The following MAP2 variants were observed in gnomAD, a reference collection of about 807,000 sequenced individuals.
MAP2 encodes microtubule associated protein 2, also known as microtubule-associated protein 2.
Under a neutral mutation model 137.6 loss-of-function variants are expected in MAP2, and 14 were observed. The ratio of observed to expected loss-of-function variants is 0.10; its 90% CI spans 0.07 to 0.16. MAP2 has a LOEUF of 0.16. Ranked by LOEUF, MAP2 falls within the 10% of genes least tolerant of loss-of-function variation. The pLI is 1.00. For synonymous variants in MAP2, 786 were observed against 782.3 expected (o/e 1.00, Z -0.08); for missense variants, 2,088 against 2,191.5 (o/e 0.95, Z 0.94).
intron 5 of MAP2, among the ~76,000 whole-genome samples, chr2:209,659,137 A>G (rs1215446150): frequency 6.6e-6 from 1 of 152,188 alleles, no homozygotes; most frequent in Non-Finnish European, 1.5e-5. Flanking sequence ...CTCTCTTCTC[A>G]ACTGTCCTAA....
intron 5 of MAP2, among the ~76,000 whole-genome samples, chr2:209,668,670 C>T (rs548708105): frequency 1.3e-5 from 2 of 151,880 alleles, no homozygotes; most frequent in African/African-American, 4.8e-5. Flanking sequence ...AGAAGATTTG[C>T]AAAGTCTGTT....
intron 5 of MAP2, among the ~76,000 whole-genome samples, chr2:209,676,745 A>G (rs1583153266): frequency 1.6e-5 from 1 of 61,440 alleles, no homozygotes; most frequent in Admixed American, 1.9e-4. Flanking sequence ...ATATATATAT[A>G]TATATATATA....
intron 4 of MAP2, among the ~76,000 whole-genome samples, chr2:209,645,200 A>G (rs774304235): frequency 1.3e-5 from 2 of 152,234 alleles, no homozygotes; most frequent in Non-Finnish European, 1.5e-5. Context: ...CATGTGCAAT[A>G]TTCAGGCAAT....
intron 3 of MAP2, among the ~76,000 whole-genome samples, chr2:209,595,217 A>G (rs2080922115): frequency 2.0e-5 from 3 of 152,222 alleles, no homozygotes; most frequent in African/African-American, 7.2e-5. Context: ...TTTGGCGTAG[A>G]ATATATGACT....
At chr2:209,517,799 C>T (rs1006671169) in intron 2 of MAP2, among the ~76,000 whole-genome samples, 2 of 151,222 alleles carry the variant, frequency 1.3e-5, no homozygotes, top group African/African-American at 4.9e-5. Context: ...AAGAAGTATG[C>T]TCAAAAAATA....
chr2:209,578,736 T>C (rs74810593), intron 2 of MAP2, among the ~76,000 whole-genome samples: 1,658 of 152,218 alleles, frequency 0.011, 31 homozygotes, highest in African/African-American at 0.037. Context: ...CACTGTAAAA[T>C]AGGGATATTC....
At chr2:209,713,736 C>A (rs1025428673) in intron 13 of MAP2, among the ~76,000 whole-genome samples, 1 of 152,158 alleles carries the variant, frequency 6.6e-6, no homozygotes, top group African/African-American at 2.4e-5. Context: ...AAACACGTAG[C>A]ATAAAAAAAT....
intron 3 of MAP2, among the ~76,000 whole-genome samples, chr2:209,618,938 T>G (rs551584084): frequency 6.6e-6 from 1 of 152,256 alleles, no homozygotes; most frequent in South Asian, 2.1e-4. Flanking sequence ...TAATGAAATA[T>G]CATTCAGCCA....
intron 13 of MAP2, chr2:209,722,148 G>GA (rs1264413450): frequency 6.6e-6 from 1 of 152,204 alleles, no homozygotes; most frequent in East Asian, 1.9e-4. Context: ...GTTAGATACA[G>GA]ACTCTGTGAA....
chr2:209,554,417 G>A (rs1207523832), intron 2 of MAP2, among the ~76,000 whole-genome samples: 2 of 152,176 alleles, frequency 1.3e-5, no homozygotes, highest in Non-Finnish European at 2.9e-5. Flanking sequence ...TGTAAGCATG[G>A]TACCATTGTG....
intron 2 of MAP2, among the ~76,000 whole-genome samples, chr2:209,574,116 A>T (rs1214337431): frequency 1.3e-5 from 2 of 152,088 alleles, no homozygotes; most frequent in African/African-American, 4.8e-5. Context: ...ATTACCTATG[A>T]TTCTCATGGT....
At chr2:209,559,047 A>C (rs1355453982) in intron 2 of MAP2, among the ~76,000 whole-genome samples, 1 of 152,152 alleles carries the variant, frequency 6.6e-6, no homozygotes, top group African/African-American at 2.4e-5. Flanking sequence ...CAGTTTCAGC[A>C]TACATCAGTG....
At chr2:209,599,942 G>T (rs1056982015) in intron 3 of MAP2, among the ~76,000 whole-genome samples, 2 of 152,090 alleles carry the variant, frequency 1.3e-5, no homozygotes, top group Non-Finnish European at 2.9e-5. Flanking sequence ...TATATAATTA[G>T]TAGTAATTAC....
chr2:209,472,131 A>G (rs936281183), intron 1 of MAP2, among the ~76,000 whole-genome samples: 1 of 152,170 alleles, frequency 6.6e-6, no homozygotes, highest in Non-Finnish European at 1.5e-5. Flanking sequence ...ACGTGATGCT[A>G]TGGGATACAT....
At chr2:209,538,750 C>T (rs2066405670) in intron 2 of MAP2, among the ~76,000 whole-genome samples, 1 of 152,032 alleles carries the variant, frequency 6.6e-6, no homozygotes, top group African/African-American at 2.4e-5. Flanking sequence ...AAAAAACAAG[C>T]ATTTCTTTCC....
intron 4 of MAP2, among the ~76,000 whole-genome samples, chr2:209,626,720 T>C (rs1013523634): frequency 2.4e-4 from 36 of 152,202 alleles, no homozygotes; most frequent in Non-Finnish European, 4.1e-4. Flanking sequence ...GCATCTCATC[T>C]TTACCCAATA....
intron 4 of MAP2, among the ~76,000 whole-genome samples, chr2:209,640,569 T>C (rs2093942883): frequency 6.6e-6 from 1 of 150,578 alleles, no homozygotes; most frequent in African/African-American, 2.5e-5. Flanking sequence ...AAAAAAATAC[T>C]ATGACTATGC....
At chr2:209,425,083 G>A (rs1022645446) in intron 1 of MAP2, among the ~76,000 whole-genome samples, 4 of 151,794 alleles carry the variant, frequency 2.6e-5, no homozygotes, top group African/African-American at 9.7e-5. Context: ...GCTAGGAGTG[G>A]GGAGCTGTAT....
intron 12 of MAP2, among the ~76,000 whole-genome samples, chr2:209,708,393 A>C (rs1004276595): frequency 1.3e-5 from 2 of 152,158 alleles, no homozygotes; most frequent in African/African-American, 4.8e-5. Flanking sequence ...AAGACCAAAA[A>C]GACACAGGGC....
Sources: gnomAD v4.1 joint callset for allele counts (sites outside exome capture counted in the v4.1 genomes callset) on GRCh38, gnomAD v4.1.1 for gene constraint, MANE v1.5 for transcripts, NCBI Gene and HGNC (gene_info 2026-07-23, HGNC 2026-07-21) for gene names.